The following LDLRAD4 variants were observed in gnomAD, a reference collection of about 807,000 sequenced individuals.
LDLRAD4 encodes the protein low-density lipoprotein receptor class A domain-containing protein 4.
Under a neutral mutation model 17.0 loss-of-function variants are expected in LDLRAD4, and 5 were observed. That is an observed-to-expected ratio of 0.29 (90% CI 0.15 to 0.62). LDLRAD4 has a LOEUF of 0.62. Among genes scored for constraint, LDLRAD4 ranks in the 20% least tolerant of loss-of-function variants. The probability of loss-of-function intolerance (pLI) is 0.84; values close to 1 mark genes in which losing one functional copy is unlikely to be tolerated. For missense variants in LDLRAD4, 340 were observed against 424.7 expected (o/e 0.80, Z 1.75); for synonymous variants, 168 against 171.8 (o/e 0.98, Z 0.17).
In LDLRAD4 at chr18:13,238,862, C is replaced by T. The variant is rs191041321; in HGVS notation, c.-467+19874C>T. 3.6e-3 allele frequency among the ~76,000 whole-genome samples: 550 copies of T among 152,136 alleles called. 6 individuals carry two copies. Among genetic ancestry groups the T allele is most frequent in the African/African-American group, 0.011 (470 of 41,484 alleles). ...CAACAGCCCTAGCCCCTGTTCCTGC[C>T]GAGGTTCTGGTGGGAGAGGGGACAT... is the stretch of plus-strand genomic sequence containing the variant. On this transcript the variant is annotated intron_variant, in intron 1 of 5. Coordinates refer to the LDLRAD4 transcript ENST00000399848.
chr18:13,473,013 CATTA>C (rs1397415584), intron 3 of LDLRAD4, among the ~76,000 whole-genome samples: 2 of 152,160 alleles, frequency 1.3e-5, no homozygotes, highest in Non-Finnish European at 2.9e-5. Context: ...TAGAAGTCAA[CATTA>C]ATTAATCTTC....
intron 3 of LDLRAD4, among the ~76,000 whole-genome samples, chr18:13,595,624 C>T (rs926295562): frequency 6.6e-6 from 1 of 152,192 alleles, no homozygotes; most frequent in African/African-American, 2.4e-5. Context: ...GCTGAGATTA[C>T]AGGTGTCAGC....
At chr18:13,323,894 C>T (rs556842417) in intron 1 of LDLRAD4, among the ~76,000 whole-genome samples, 92 of 149,918 alleles carry the variant, frequency 6.1e-4, no homozygotes, top group African/African-American at 2.2e-3. Context: ...GGTGAAACTC[C>T]GTCTCTACTA....
intron 3 of LDLRAD4, among the ~76,000 whole-genome samples, chr18:13,496,754 A>C (rs1218548428): frequency 1.2e-5 from 1 of 80,444 alleles, no homozygotes; most frequent in African/African-American, 3.0e-5. Context: ...TGTGATTTCA[A>C]GGTTTGTGGC....
intron 1 of LDLRAD4, among the ~76,000 whole-genome samples, chr18:13,340,633 C>T (rs1338995991): frequency 6.6e-6 from 1 of 152,106 alleles, no homozygotes; most frequent in African/African-American, 2.4e-5. Flanking sequence ...AATATTAAAC[C>T]ATAATCAGAT....
chr18:13,550,759 A>G (rs2094424476), intron 3 of LDLRAD4, among the ~76,000 whole-genome samples: 1 of 152,058 alleles, frequency 6.6e-6, no homozygotes, highest in African/African-American at 2.4e-5. Flanking sequence ...CGGTGGAGAG[A>G]GCCTGGGAAG....
chr18:13,514,843 A>C (rs1379086379), intron 3 of LDLRAD4: 2 of 152,212 alleles, frequency 1.3e-5, no homozygotes, highest in South Asian at 2.1e-4. Flanking sequence ...TGAGAGTTGT[A>C]GGTTCAACGT....
At chr18:13,575,391 C>T (rs1944914377) in intron 3 of LDLRAD4, among the ~76,000 whole-genome samples, 1 of 152,188 alleles carries the variant, frequency 6.6e-6, no homozygotes, top group African/African-American at 2.4e-5. Context: ...GCTGCAAATG[C>T]CATTAATTTG....
intron 3 of LDLRAD4, among the ~76,000 whole-genome samples, chr18:13,552,431 A>G (rs536256125): frequency 6.6e-6 from 1 of 152,238 alleles, no homozygotes; most frequent in Non-Finnish European, 1.5e-5. Flanking sequence ...CTGGAAGGAC[A>G]GTGCACTATC....
intron 1 of LDLRAD4, among the ~76,000 whole-genome samples, chr18:13,386,946 A>AGATAGATAGATAGATG (rs2085881579): frequency 1.0e-5 from 1 of 98,384 alleles, no homozygotes; most frequent in African/African-American, 6.0e-5. Context: ...ATAGATAGAT[A>AGATAGATAGATAGATG]GATGGATGGA....
intron 1 of LDLRAD4, among the ~76,000 whole-genome samples, chr18:13,376,045 G>A (rs933504881): frequency 6.6e-6 from 1 of 152,132 alleles, no homozygotes; most frequent in African/African-American, 2.4e-5. Flanking sequence ...TCAAGTCCTC[G>A]TTCTTGCCGT....
intron 3 of LDLRAD4, among the ~76,000 whole-genome samples, chr18:13,507,571 G>T (rs777640915): frequency 6.6e-6 from 1 of 152,178 alleles, no homozygotes. Context: ...TGGTCAGTGA[G>T]CACTTAGGTT....
intron 3 of LDLRAD4, among the ~76,000 whole-genome samples, chr18:13,529,182 G>A (rs1248915320): frequency 6.6e-6 from 1 of 152,210 alleles, no homozygotes; most frequent in African/African-American, 2.4e-5. Flanking sequence ...CTTGCCCCCA[G>A]CCACCCCCTC....
At chr18:13,343,345 G>T (rs930060484) in intron 1 of LDLRAD4, among the ~76,000 whole-genome samples, 11 of 149,536 alleles carry the variant, frequency 7.4e-5, no homozygotes, top group South Asian at 2.1e-4. Context: ...TGGTTTTTTG[G>T]CCTTGCAATA....
In LDLRAD4 at chr18:13,389,629, C is replaced by T. The variant is rs956316355; in HGVS notation, c.40+1867C>T. 3.9e-5 allele frequency among the ~76,000 whole-genome samples: 6 copies of T among 152,208 alleles called. No individual in the cohort carries two copies. The East Asian group carries it at 5.8e-4, about 15-fold the overall frequency. On this transcript the variant is annotated intron_variant, in intron 2 of 5. Transcript: ENST00000359446. Reference sequence around the variant, plus strand: ...GAAGCTGCCCTGACCATGGACCTGACGGCAGGGTGGAGGCCACAGGGTGGC... The same window carrying T: ...GAAGCTGCCCTGACCATGGACCTGATGGCAGGGTGGAGGCCACAGGGTGGC...
intron 3 of LDLRAD4, chr18:13,522,680 A>G (rs1373873945): frequency 6.6e-6 from 1 of 152,232 alleles, no homozygotes; most frequent in East Asian, 1.9e-4. Flanking sequence ...CATCAGACAC[A>G]AAAGCCATAT....
rs1446390089 is a variant in LDLRAD4 at position 13,622,775 on chromosome 18, C to T, written c.336+1504C>T. ...CTCATCACAGCAGCAGTTTCAGAACCGCAGAAGGCTCAGACATCGCTGCTT... is the reference window on the plus strand; with the variant it reads ...CTCATCACAGCAGCAGTTTCAGAACTGCAGAAGGCTCAGACATCGCTGCTT... On this transcript the variant is annotated intron_variant, in intron 4 of 5. Transcript: ENST00000359446. The surrounding 1 kb of genome is among the most constrained non-coding windows in gnomAD (Gnocchi z 5.3). Among the ~76,000 whole-genome samples the T allele has an allele frequency of 6.6e-6, 1 of 152,162 alleles. No homozygotes were observed. Among genetic ancestry groups the T allele is most frequent in the Non-Finnish European group, 1.5e-5 (1 of 68,016 alleles).
intron 1 of LDLRAD4, among the ~76,000 whole-genome samples, chr18:13,285,097 T>C (rs544604351): frequency 2.8e-4 from 42 of 152,312 alleles, no homozygotes; most frequent in Non-Finnish European, 4.6e-4. Context: ...TTCTTACAAA[T>C]GGAGGGAGGT....
At chr18:13,613,015 G>A (rs1003705971) in intron 3 of LDLRAD4, 3 of 500,542 alleles carry the variant, frequency 6.0e-6, no homozygotes, top group African/African-American at 1.9e-5. Context: ...CCTGTTGGAG[G>A]TGTTATGCAT....
Sources: allele counts gnomAD v4.1 joint callset (sites outside exome capture counted in the v4.1 genomes callset), GRCh38; gene constraint gnomAD v4.1.1; non-coding constraint Gnocchi (gnomAD v3.1); transcripts MANE v1.5; gene names NCBI Gene and HGNC (gene_info 2026-07-23, HGNC 2026-07-21).